The following FAM229B variants were observed in gnomAD, a reference collection of about 807,000 sequenced individuals.
FAM229B encodes the protein family with sequence similarity 229 member B.
FAM229B carries 2 observed loss-of-function variants against 6.7 expected under a neutral mutation model. The ratio of observed to expected loss-of-function variants is 0.30; its 90% CI spans 0.12 to 0.94. The LOEUF (loss-of-function observed/expected upper bound fraction) is 0.94. FAM229B is among the 40% of genes least tolerant of loss of function. The pLI is 0.54. For missense variants in FAM229B, 93 were observed against 96.2 expected (o/e 0.97, Z 0.14); for synonymous variants, 29 against 34.0 (o/e 0.85, Z 0.51).
chr6:112,095,174 G>A (rs890503164), intron 1 of FAM229B, among the ~76,000 whole-genome samples: 1 of 152,176 alleles, frequency 6.6e-6, no homozygotes, highest in Non-Finnish European at 1.5e-5. Flanking sequence ...ACAAAAATAT[G>A]TAGGAAGTAG....
At chr6:112,095,749 A>T (rs1201020445) in intron 1 of FAM229B, among the ~76,000 whole-genome samples, 1 of 151,440 alleles carries the variant, frequency 6.6e-6, no homozygotes, top group Non-Finnish European at 1.5e-5. Context: ...CACCTCTCAA[A>T]CATGTAAACT....
At chr6:112,100,054 G>A (rs1777376138) in intron 3 of FAM229B, among the ~76,000 whole-genome samples, 1 of 152,160 alleles carries the variant, frequency 6.6e-6, no homozygotes, top group Non-Finnish European at 1.5e-5. Flanking sequence ...TTTAAAAATC[G>A]GAGTTAGTCA....
At chr6:112,096,843 A>G (rs1384930783) in intron 1 of FAM229B, among the ~76,000 whole-genome samples, 198 bp from the exon 2 acceptor site, 1 of 152,172 alleles carries the variant, frequency 6.6e-6, no homozygotes, top group Non-Finnish European at 1.5e-5. Flanking sequence ...ACAGGATATA[A>G]AATGAGAAGA....
At chr6:112,091,667 A>G (rs1777258767) in intron 1 of FAM229B, among the ~76,000 whole-genome samples, 1 of 152,190 alleles carries the variant, frequency 6.6e-6, no homozygotes, top group Non-Finnish European at 1.5e-5. Flanking sequence ...TTAGCAATGT[A>G]AAATCACAAT....
intron 1 of FAM229B, among the ~76,000 whole-genome samples, chr6:112,096,373 G>A (rs1554318652): frequency 6.6e-6 from 1 of 152,138 alleles, no homozygotes; most frequent in African/African-American, 2.4e-5. Context: ...TGGCTAACAC[G>A]GTGAAACCCC....
chr6:112,096,668 A>G (rs1489015276), intron 1 of FAM229B, among the ~76,000 whole-genome samples: 2 of 152,214 alleles, frequency 1.3e-5, no homozygotes, highest in Non-Finnish European at 2.9e-5. Flanking sequence ...AAGTTAGTCC[A>G]GGCATTAGAG....
intron 2 of FAM229B, among the ~76,000 whole-genome samples, chr6:112,097,907 G>A (rs1350468702): frequency 6.6e-6 from 1 of 152,188 alleles, no homozygotes; most frequent in Non-Finnish European, 1.5e-5. Context: ...CAAAAAATGA[G>A]GGTAGTGTTT....
chr6:112,097,475 C>A (rs1777341794), intron 2 of FAM229B, among the ~76,000 whole-genome samples: 2 of 152,052 alleles, frequency 1.3e-5, no homozygotes, highest in Admixed American at 1.3e-4. Context: ...TTTTTCCTAC[C>A]CTTTGTGTAC....
At chr6:112,099,189 G>C in intron 2 of FAM229B, 81 bp from the exon 3 acceptor site, 1 of 1,243,940 alleles carries the variant, frequency 8.0e-7, no homozygotes. Context: ...TTCCATGCAA[G>C]TCTTTGAAGA....
intron 3 of FAM229B, 138 bp from the exon 4 acceptor site, chr6:112,100,532 T>C (rs1189662073): frequency 6.4e-6 from 4 of 620,808 alleles, no homozygotes; most frequent in African/African-American, 1.8e-5. Context: ...AGCATCACCA[T>C]GTTGTACTCA....
At chr6:112,095,380 T>G (rs1489914074) in intron 1 of FAM229B, among the ~76,000 whole-genome samples, 6 of 151,950 alleles carry the variant, frequency 3.9e-5, no homozygotes, top group Admixed American at 6.6e-5. Flanking sequence ...GCCTGTAACC[T>G]TAGCACTTTG....
At position 112,102,526 on chromosome 6, in the gene FAM229B, C is replaced by G. The variant is rs1777412419; in HGVS notation, c.*1739C>G. 2 of 152,126 alleles carry G rather than the reference C, an allele frequency of 1.3e-5. No homozygotes were observed. The highest frequency in any genetic ancestry group is 4.2e-4 in the South Asian group (2 of 4,810). 9.4% of individuals were successfully genotyped at this position (152,126 alleles called of 1,614,324 possible). A position where few individuals can be genotyped will look rare whatever the true frequency, so the allele number is the denominator to read the frequency against. ...AAAGAAAAATTCCTCAGAGCTCATA[C>G]AAGGCTGGGTAGAATATGTGTTTCA... On this transcript the variant is annotated 3_prime_UTR_variant, in exon 4 of 4. Transcript: ENST00000368656.
At chr6:112,092,590 C>T (rs1554318276) in intron 1 of FAM229B, among the ~76,000 whole-genome samples, 2 of 151,898 alleles carry the variant, frequency 1.3e-5, no homozygotes, top group Non-Finnish European at 2.9e-5. Flanking sequence ...AAAATCTGGA[C>T]CTACTCAAAG....
intron 2 of FAM229B, among the ~76,000 whole-genome samples, chr6:112,097,662 GTGTGTACTAATAGTTGAAAACAT>G (rs1554318804): frequency 1.2e-5 from 1 of 80,676 alleles, no homozygotes; most frequent in East Asian, 4.8e-4. Context: ...GTTGAAAACA[GTGTGTACTAATAGTTGAAAACAT>G]TGTGTACTAA....
At position 112,101,712 on chromosome 6, in the gene FAM229B, CA is replaced by C. The variant is rs1399868902; in HGVS notation, c.*926del. Reference sequence around the variant, plus strand: ...CTTTAGGATCAGATACAATTTTCACCAGTGTTTTTTGTCTACCTTGCTGCTT... The same window carrying C: ...CTTTAGGATCAGATACAATTTTCACCGTGTTTTTTGTCTACCTTGCTGCTT... On this transcript the variant is annotated 3_prime_UTR_variant, in exon 4 of 4. Transcript: ENST00000368656. 7 of 152,214 alleles carry C rather than the reference CA, an allele frequency of 4.6e-5. No homozygotes were observed. In the East Asian group the frequency reaches 1.2e-3, roughly 25 times the overall value. 9.4% of individuals were successfully genotyped at this position (152,214 alleles called of 1,614,324 possible). A position where few individuals can be genotyped will look rare whatever the true frequency, so the allele number is the denominator to read the frequency against.
chr6:112,096,328 G>A (rs370745904), intron 1 of FAM229B, among the ~76,000 whole-genome samples: 3 of 152,086 alleles, frequency 2.0e-5, no homozygotes, highest in African/African-American at 7.2e-5. Context: ...AGGCCGAGGC[G>A]GGCGGATCAC....
At chr6:112,091,213 A>G (rs1384356958) in intron 1 of FAM229B, among the ~76,000 whole-genome samples, 2 of 152,148 alleles carry the variant, frequency 1.3e-5, no homozygotes, top group South Asian at 2.1e-4. Context: ...ATAGTATTCC[A>G]TTGTGTATAT....
rs1777412491 is a variant in FAM229B, at chr6:112,102,529, G to GA, written c.*1742_*1743insA. 2 of 152,106 alleles carry GA rather than the reference G, an allele frequency of 1.3e-5. No individual in the cohort carries two copies. The highest frequency in any genetic ancestry group is 4.2e-4 in the South Asian group (2 of 4,810). The allele number at this position is 152,106 out of a possible 1,614,324, so 9.4% of individuals were successfully genotyped here. On this transcript the variant is annotated 3_prime_UTR_variant, in exon 4 of 4. Coordinates refer to ENST00000368656, the MANE Select transcript of FAM229B (RefSeq NM_001033564.3). ...GAAAAATTCCTCAGAGCTCATACAA[G>GA]GCTGGGTAGAATATGTGTTTCAACA... is the stretch of plus-strand genomic sequence containing the variant.
At chr6:112,098,027 T>C (rs1159308790) in intron 2 of FAM229B, among the ~76,000 whole-genome samples, 1 of 152,112 alleles carries the variant, frequency 6.6e-6, no homozygotes, top group Non-Finnish European at 1.5e-5. Flanking sequence ...TTGCATCCAG[T>C]GGGTAAAGGC....
Sources: gnomAD v4.1 joint callset for allele counts (sites outside exome capture counted in the v4.1 genomes callset) on GRCh38, gnomAD v4.1.1 for gene constraint, MANE v1.5 for transcripts, NCBI Gene and HGNC (gene_info 2026-07-23, HGNC 2026-07-21) for gene names.